The following RASGRF1 variants were observed in gnomAD, a reference collection of about 807,000 sequenced individuals.
RASGRF1 encodes ras-specific guanine nucleotide-releasing factor 1.
A neutral mutation model predicts 138.7 loss-of-function variants in RASGRF1; 40 were observed. The observed-to-expected ratio is 0.29, with a 90% CI of 0.22 to 0.38. RASGRF1 has a LOEUF of 0.38. Ranked by LOEUF, RASGRF1 falls within the 10% of genes least tolerant of loss-of-function variation. The probability of loss-of-function intolerance (pLI) is 1.00; values close to 1 mark genes in which losing one functional copy is unlikely to be tolerated. For synonymous variants in RASGRF1, 614 were observed against 663.2 expected (o/e 0.93, Z 1.14); for missense variants, 1,108 against 1,650.4 (o/e 0.67, Z 5.69).
intron 22 of RASGRF1, 143 bp downstream of exon 22, chr15:78,990,046 G>A: frequency 1.4e-6 from 1 of 723,748 alleles, no homozygotes; most frequent in Non-Finnish European, 2.5e-6. Flanking sequence ...ACCAGCCCGA[G>A]GCCACATGGC....
chr15:78,990,147 A>G lies in RASGRF1; in HGVS notation c.3216+42T>C, dbSNP rs200139864. On this transcript the variant is annotated intron_variant, in intron 22 of 26. Transcript: ENST00000558480. Reference sequence around the variant, plus strand: ...ACCCAGCCTCTTGAGCGTCTTGCCAAAGAAAAACCCCAGTGAGAGAGGCGC... The same window carrying G: ...ACCCAGCCTCTTGAGCGTCTTGCCAGAGAAAAACCCCAGTGAGAGAGGCGC... 27 of 1,478,972 alleles carry G rather than the reference A, an allele frequency of 1.8e-5. No individual in the cohort carries two copies. In the South Asian group the frequency reaches 1.9e-4, roughly 11 times the overall value. 91.6% of individuals were successfully genotyped at this position (1,478,972 alleles called of 1,614,324 possible).
At chr15:79,007,777 T>G (rs2056713706) in intron 13 of RASGRF1, among the ~76,000 whole-genome samples, 1 of 152,060 alleles carries the variant, frequency 6.6e-6, no homozygotes, top group African/African-American at 2.4e-5. Context: ...GGTCTCGAAT[T>G]CCAGGGCTCA....
At chr15:79,061,024 C>A (rs1464457305) in intron 2 of RASGRF1, among the ~76,000 whole-genome samples, 1 of 151,956 alleles carries the variant, frequency 6.6e-6, no homozygotes, top group Non-Finnish European at 1.5e-5. Flanking sequence ...GTAGAAGGGG[C>A]AGTGAGAAAT....
At chr15:78,997,011 C>T (rs963590278) in intron 19 of RASGRF1, among the ~76,000 whole-genome samples, 6 of 152,192 alleles carry the variant, frequency 3.9e-5, no homozygotes, top group East Asian at 1.9e-4. Flanking sequence ...CAGGCTGAGT[C>T]GGTAGGTGCC....
At chr15:79,044,865 T>C (rs774965096) in intron 5 of RASGRF1, among the ~76,000 whole-genome samples, 7 of 152,208 alleles carry the variant, frequency 4.6e-5, no homozygotes, top group Non-Finnish European at 1.0e-4. Flanking sequence ...TCTGAACAAC[T>C]TTTGAACAAA....
chr15:78,996,631 C>T (rs2056397474), intron 19 of RASGRF1, among the ~76,000 whole-genome samples: 1 of 152,202 alleles, frequency 6.6e-6, no homozygotes, highest in Admixed American at 6.5e-5. Context: ...ACCCAGGGAA[C>T]AGGCTCCCCT....
At chr15:78,971,657 T>C (rs201123257) in intron 26 of RASGRF1, among the ~76,000 whole-genome samples, 2 of 152,162 alleles carry the variant, frequency 1.3e-5, no homozygotes, top group East Asian at 1.9e-4. Flanking sequence ...CTATGGCAGG[T>C]AAAATCAGAC....
At chr15:79,041,649 G>A (rs758419930) in intron 5 of RASGRF1, among the ~76,000 whole-genome samples, 5 of 152,168 alleles carry the variant, frequency 3.3e-5, no homozygotes, top group Non-Finnish European at 5.9e-5. Context: ...CTGACTGCAG[G>A]ACATGTTCAT....
intron 17 of RASGRF1, among the ~76,000 whole-genome samples, 176 bp downstream of exon 17, chr15:78,999,567 G>T (rs1224241114): frequency 6.6e-6 from 1 of 152,154 alleles, no homozygotes; most frequent in Non-Finnish European, 1.5e-5. Flanking sequence ...AGTGACTGTA[G>T]TCAATTGAAG....
chr15:79,048,949 A>G (rs1363387977), intron 4 of RASGRF1, among the ~76,000 whole-genome samples: 1 of 152,188 alleles, frequency 6.6e-6, no homozygotes, highest in Non-Finnish European at 1.5e-5. Flanking sequence ...ATGGTATGTC[A>G]CTACCTGGCC....
chr15:78,968,635 T>A (rs1228052951), intron 26 of RASGRF1, among the ~76,000 whole-genome samples: 1 of 152,138 alleles, frequency 6.6e-6, no homozygotes, highest in Non-Finnish European at 1.5e-5. Flanking sequence ...TAAAAGACAT[T>A]GATATTTTTG....
intron 14 of RASGRF1, chr15:79,004,771 A>C: frequency 2.0e-6 from 2 of 985,660 alleles, no homozygotes; most frequent in Non-Finnish European, 2.4e-6. Flanking sequence ...TTATACATCC[A>C]GAACATTGCA....
intron 26 of RASGRF1, among the ~76,000 whole-genome samples, chr15:78,970,761 G>C (rs2055741063): frequency 6.6e-6 from 1 of 150,826 alleles, no homozygotes; most frequent in Non-Finnish European, 1.5e-5. Context: ...ATAATGTAAT[G>C]AGACTAACAT....
intron 20 of RASGRF1, among the ~76,000 whole-genome samples, chr15:78,993,674 G>A (rs931129104): frequency 6.6e-6 from 1 of 152,114 alleles, no homozygotes; most frequent in African/African-American, 2.4e-5. Context: ...TCCCATCTGA[G>A]GGTCCTGCCT....
intron 3 of RASGRF1, among the ~76,000 whole-genome samples, chr15:79,051,372 T>TC (rs1364593251): frequency 1.8e-5 from 2 of 109,760 alleles, no homozygotes; most frequent in Non-Finnish European, 3.8e-5. Flanking sequence ...CCCCACCCCC[T>TC]CCCCCTTTTC....
chr15:79,019,987 CGTGT>C (rs1171075399), intron 11 of RASGRF1, 50 bp downstream of exon 11: 46 of 1,593,258 alleles, frequency 2.9e-5, no homozygotes, highest in Non-Finnish European at 3.9e-5. Flanking sequence ...TAGGAGTGAG[CGTGT>C]GTGTATCTGT....
intron 2 of RASGRF1, among the ~76,000 whole-genome samples, chr15:79,059,588 G>A (rs62011244): frequency 0.092 from 13,940 of 152,186 alleles, 782 homozygotes; most frequent in Non-Finnish European, 0.12. Context: ...GTCCATGAGC[G>A]TCAAAGCTGG....
At chr15:79,055,043 C>T (rs141642647) in intron 3 of RASGRF1, among the ~76,000 whole-genome samples, 99 of 152,332 alleles carry the variant, frequency 6.5e-4, no homozygotes, top group African/African-American at 2.4e-3. Flanking sequence ...TCAAGGTCCT[C>T]TCCTCAGCAG....
At position 79,069,761 on chromosome 15, in the gene RASGRF1, G is replaced by A. The variant is rs1207471048; in HGVS notation, c.277-5235C>T. On this transcript the variant is annotated intron_variant, in intron 1 of 26. Coordinates refer to ENST00000558480, the MANE Select transcript of RASGRF1 (RefSeq NM_001145648.3). ...CTATTGCTTCTTCTTGGGTCCTTGA[G>A]GTGCCTGGGCTGAAAAGGCCTTGAT... 2.0e-5 allele frequency among the ~76,000 whole-genome samples: 3 copies of A among 152,208 alleles called. No individual in the cohort carries two copies. The East Asian group carries it at 5.8e-4, about 29-fold the overall frequency.
Sources: gnomAD v4.1 joint callset for allele counts (sites outside exome capture counted in the v4.1 genomes callset) on GRCh38, gnomAD v4.1.1 for gene constraint, MANE v1.5 for transcripts, NCBI Gene and HGNC (gene_info 2026-07-23, HGNC 2026-07-21) for gene names.